The following EHBP1 variants were observed in gnomAD, a reference collection of about 807,000 sequenced individuals.
EHBP1 encodes EH domain binding protein 1, also known as EH domain-binding protein 1.
A neutral mutation model predicts 144.0 loss-of-function variants in EHBP1; 55 were observed. The observed-to-expected ratio is 0.38, with a 90% CI of 0.31 to 0.48. The LOEUF is 0.48. Among genes scored for constraint, EHBP1 ranks in the 20% least tolerant of loss-of-function variants. The pLI, the probability that EHBP1 is intolerant of heterozygous loss-of-function variation, is 0.98. For synonymous variants in EHBP1, 469 were observed against 472.7 expected, an observed-to-expected ratio of 0.99 and a Z score of 0.10; for missense variants, 1,200 against 1,364.2, an observed-to-expected ratio of 0.88 and a Z score of 1.90.
intron 14 of EHBP1, among the ~76,000 whole-genome samples, chr2:62,956,711 A>G (rs1384373976): frequency 6.7e-6 from 1 of 150,198 alleles, no homozygotes; most frequent in Non-Finnish European, 1.5e-5. Flanking sequence ...AAAAAAAACC[A>G]CCGCAAAACT....
In EHBP1 at chr2:62,859,281, T is replaced by C; in HGVS notation, c.747T>C (p.Pro249=). ...CAGAATTAAATCCATTTGGAGATCCTGACTCAGAAGGTAGCAAGTTTTTCT... is the reference window on the plus strand; with the variant it reads ...CAGAATTAAATCCATTTGGAGATCCCGACTCAGAAGGTAGCAAGTTTTTCT... ...DAAELNPFGD[P]DSEEPITETA... Residue 249 remains proline (P), a synonymous_variant, in exon 8 of 23, where the codon CCT becomes CCC. Coordinates refer to ENST00000431489, the MANE Select transcript of EHBP1 (RefSeq NM_001142616.3). 1.2e-6 allele frequency: 2 copies of C among 1,603,670 alleles called. No homozygotes were observed. The highest frequency in any genetic ancestry group is 1.7e-6 in the Non-Finnish European group (2 of 1,172,906).
chr2:62,890,608 A>C (rs1197744646), intron 10 of EHBP1, among the ~76,000 whole-genome samples: 4 of 152,182 alleles, frequency 2.6e-5, no homozygotes, highest in Non-Finnish European at 2.9e-5. Flanking sequence ...GATTTAGCTG[A>C]AGTTATTTAT....
intron 3 of EHBP1, among the ~76,000 whole-genome samples, chr2:62,760,012 C>A (rs527995875): frequency 9.9e-5 from 15 of 152,076 alleles, no homozygotes; most frequent in African/African-American, 3.6e-4. Context: ...GGGATTGGTT[C>A]CAGGACCCCT....
chr2:62,716,594 GA>G, intron 2 of EHBP1, among the ~76,000 whole-genome samples: 1 of 152,146 alleles, frequency 6.6e-6, no homozygotes. Context: ...AGTTTGCAAA[GA>G]AAAATAAATT....
At chr2:62,937,202 A>C (rs2056443306) in intron 10 of EHBP1, among the ~76,000 whole-genome samples, 2 of 152,230 alleles carry the variant, frequency 1.3e-5, no homozygotes, top group South Asian at 4.1e-4. Context: ...AAAATTTACA[A>C]CTTCTGCTGA....
chr2:62,907,965 C>T (rs2539986), intron 10 of EHBP1, among the ~76,000 whole-genome samples: 123,849 of 152,144 alleles, frequency 0.81, 50,786 homozygotes, highest in African/African-American at 0.91. Context: ...TATATGCCTT[C>T]AGTTGTCACA....
chr2:62,737,827 G>A (rs2038302192), intron 2 of EHBP1, among the ~76,000 whole-genome samples: 1 of 152,074 alleles, frequency 6.6e-6, no homozygotes, highest in Non-Finnish European at 1.5e-5. Flanking sequence ...GCAGTGGTGT[G>A]ATCATAGCCC....
intron 7 of EHBP1, 100 bp downstream of exon 7, chr2:62,831,258 T>TC: frequency 1.7e-6 from 2 of 1,144,834 alleles, no homozygotes; most frequent in South Asian, 3.0e-5. Context: ...TTATTGGGTT[T>TC]CTTTTTTTTT....
intron 1 of EHBP1, among the ~76,000 whole-genome samples, chr2:62,682,290 C>T (rs577047427): frequency 5.5e-4 from 83 of 152,218 alleles, no homozygotes; most frequent in Middle Eastern, 3.4e-3. Flanking sequence ...TCTTATAAAT[C>T]GGGGGTCTGT....
chr2:62,847,597 G>A (rs1248181361), intron 7 of EHBP1, among the ~76,000 whole-genome samples: 1 of 152,162 alleles, frequency 6.6e-6, no homozygotes, highest in Non-Finnish European at 1.5e-5. Flanking sequence ...CTACTGGGAG[G>A]CTGAGGTGGG....
At chr2:62,870,400 A>C (rs891881397) in intron 9 of EHBP1, among the ~76,000 whole-genome samples, 1 of 152,094 alleles carries the variant, frequency 6.6e-6, no homozygotes, top group Non-Finnish European at 1.5e-5. Flanking sequence ...ATTTAAGGGA[A>C]CTTTAATAAC....
intron 3 of EHBP1, among the ~76,000 whole-genome samples, chr2:62,761,239 G>A (rs1182484121): frequency 6.6e-6 from 1 of 152,000 alleles, no homozygotes. Context: ...TGGAAATAGG[G>A]GACTAGAGAA....
intron 2 of EHBP1, among the ~76,000 whole-genome samples, chr2:62,707,615 A>G (rs116340741): frequency 5.0e-3 from 769 of 152,342 alleles, no homozygotes; most frequent in African/African-American, 0.014. Context: ...TAAGGAGACA[A>G]AGAATGGCTA....
chr2:62,904,797 C>T (rs779947093), intron 10 of EHBP1, among the ~76,000 whole-genome samples: 8 of 151,730 alleles, frequency 5.3e-5, no homozygotes, highest in South Asian at 2.1e-4. Context: ...TCTTTTTTTG[C>T]GGGGGATGGA....
rs1251947302 is a variant in EHBP1 at position 62,874,526 on chromosome 2, T to C, written c.1179T>C (p.Ser393=). ...CTGCAGGAAAAGATCTCTCTACTTC[T>C]CCTAAGGTAGGATTTTATTCATAGT... ...TVSAGKDLST[S]PKPSPIPSPV... Residue 393 remains serine (S), a synonymous_variant, in exon 10 of 23, where the codon TCT becomes TCC. Transcript: ENST00000431489. 6.3e-7 allele frequency: 1 copy of C among 1,593,620 alleles called. No individual in the cohort carries two copies. The highest frequency in any genetic ancestry group is 1.8e-5 in the Admixed American group (1 of 56,216).
chr2:63,021,175 A>G lies in EHBP1; in HGVS notation c.3104-16360A>G, dbSNP rs1301223994. Among the ~76,000 whole-genome samples, 6 of 151,520 alleles carry G rather than the reference A, an allele frequency of 4.0e-5. No individual in the cohort carries two copies. The East Asian group carries it at 1.2e-3, about 29-fold the overall frequency. ...GCTTCTAATATACACATCTCGTTCTATCATAACTCTCCTCTTCTCTGCAAC... is the reference window on the plus strand; with the variant it reads ...GCTTCTAATATACACATCTCGTTCTGTCATAACTCTCCTCTTCTCTGCAAC... On this transcript the variant is annotated intron_variant, in intron 19 of 22. Coordinates refer to ENST00000431489, the MANE Select transcript of EHBP1 (RefSeq NM_001142616.3).
chr2:63,033,373 C>T (rs769220139), intron 19 of EHBP1, among the ~76,000 whole-genome samples: 9 of 152,120 alleles, frequency 5.9e-5, no homozygotes, highest in Non-Finnish European at 1.0e-4. Context: ...CAGCCATCAC[C>T]ACTATGGGGC....
intron 3 of EHBP1, among the ~76,000 whole-genome samples, chr2:62,756,055 C>T (rs2040248840): frequency 6.6e-6 from 1 of 150,898 alleles, no homozygotes; most frequent in Non-Finnish European, 1.5e-5. Flanking sequence ...AGATGGATTA[C>T]TGGAGTCCAA....
rs2057313753 is a variant in EHBP1, at chr2:62,950,422, T to A, written c.2316+1260T>A. ...CAGCTGCTTTCTTTTATATTGAGAT[T>A]TACAAAATATGTAAAATACTGCCAC... is the stretch of plus-strand genomic sequence containing the variant. On this transcript the variant is annotated intron_variant, in intron 13 of 22. Coordinates refer to ENST00000431489, the MANE Select transcript of EHBP1 (RefSeq NM_001142616.3). Among the ~76,000 whole-genome samples, 3 of 152,312 alleles carry A rather than the reference T, an allele frequency of 2.0e-5. No individual in the cohort carries two copies. In the South Asian group the frequency reaches 6.2e-4, roughly 32 times the overall value.
Sources: allele counts gnomAD v4.1 joint callset (sites outside exome capture counted in the v4.1 genomes callset), GRCh38; gene constraint gnomAD v4.1.1; transcripts MANE v1.5; gene names NCBI Gene and HGNC (gene_info 2026-07-23, HGNC 2026-07-21).